Variants in CA10 observed in about 807,000 individuals in gnomAD.
The protein encoded by CA10 is carbonic anhydrase-related protein 10.
In CA10, 14 loss-of-function variants were observed where a neutral mutation model predicts 44.2. The ratio of observed to expected loss-of-function variants is 0.32; its 90% CI spans 0.21 to 0.50. CA10 has a LOEUF of 0.50. Ranked by LOEUF, CA10 falls within the 20% of genes least tolerant of loss-of-function variation. The pLI is 0.99. For missense variants in CA10, 350 were observed against 409.7 expected (o/e 0.85, Z 1.26); for synonymous variants, 159 against 141.6 (o/e 1.12, Z -0.87).
intron 4 of CA10, among the ~76,000 whole-genome samples, chr17:51,656,040 G>T (rs1913779968): frequency 1.3e-5 from 2 of 152,280 alleles, no homozygotes; most frequent in African/African-American, 4.8e-5. Context: ...ACCAGGGACT[G>T]GGGGGTTCTC....
At chr17:51,838,221 T>C (rs1057349425) in intron 3 of CA10, among the ~76,000 whole-genome samples, 1 of 152,206 alleles carries the variant, frequency 6.6e-6, no homozygotes, top group African/African-American at 2.4e-5. Context: ...CAGACTGAAA[T>C]CAAGATTCCT....
chr17:51,844,655 G>T (rs899450856), intron 3 of CA10, among the ~76,000 whole-genome samples: 2 of 152,134 alleles, frequency 1.3e-5, no homozygotes, highest in African/African-American at 2.4e-5. Context: ...GAAAGTCCCA[G>T]CATAACAGGT....
At chr17:51,755,697 G>A (rs1033660747) in intron 3 of CA10, among the ~76,000 whole-genome samples, 1 of 152,172 alleles carries the variant, frequency 6.6e-6, no homozygotes, top group African/African-American at 2.4e-5. Context: ...AAGGGTGGAG[G>A]ACACCTACTA....
chr17:51,880,888 G>T (rs143819364), intron 3 of CA10, among the ~76,000 whole-genome samples: 42 of 152,238 alleles, frequency 2.8e-4, no homozygotes, highest in Non-Finnish European at 5.7e-4. Flanking sequence ...AAATGTAGTT[G>T]TATTTCAAAT....
At chr17:51,807,526 A>C (rs891668790) in intron 3 of CA10, among the ~76,000 whole-genome samples, 1 of 152,166 alleles carries the variant, frequency 6.6e-6, no homozygotes, top group African/African-American at 2.4e-5. Context: ...AGAACACTTA[A>C]ATGCTTATAT....
At chr17:52,080,006 G>C (rs1161679029) in intron 1 of CA10, among the ~76,000 whole-genome samples, 1 of 152,206 alleles carries the variant, frequency 6.6e-6, no homozygotes, top group Non-Finnish European at 1.5e-5. Flanking sequence ...TTTCCAAAGA[G>C]AGAAGATGGG....
At chr17:51,843,842 G>A (rs1978381621) in intron 3 of CA10, among the ~76,000 whole-genome samples, 1 of 152,078 alleles carries the variant, frequency 6.6e-6, no homozygotes, top group African/African-American at 2.4e-5. Context: ...CTCCACAGTT[G>A]CAAAGTTTTA....
chr17:52,118,892 C>T (rs1988954357), intron 1 of CA10, among the ~76,000 whole-genome samples: 2 of 152,046 alleles, frequency 1.3e-5, no homozygotes, highest in African/African-American at 4.8e-5. Context: ...AGCTATAGAA[C>T]TTTGACAGGT....
chr17:51,968,763 C>A (rs1475389429), intron 2 of CA10, among the ~76,000 whole-genome samples: 1 of 151,724 alleles, frequency 6.6e-6, no homozygotes, highest in Non-Finnish European at 1.5e-5. Context: ...ACATTGTAAT[C>A]TAAGATTTTA....
At chr17:51,635,349 C>T (rs894862196) in intron 7 of CA10, among the ~76,000 whole-genome samples, 4 of 152,012 alleles carry the variant, frequency 2.6e-5, no homozygotes, top group Admixed American at 2.0e-4. Flanking sequence ...CCCATCTCTA[C>T]TAAAAGTATA....
At chr17:51,909,080 G>A (rs998744665) in intron 3 of CA10, among the ~76,000 whole-genome samples, 5 of 152,104 alleles carry the variant, frequency 3.3e-5, no homozygotes, top group Admixed American at 6.6e-5. Context: ...ATGCTCCAGC[G>A]CACATGATAT....
chr17:52,104,998 T>C (rs1988626758), intron 1 of CA10, among the ~76,000 whole-genome samples: 1 of 152,166 alleles, frequency 6.6e-6, no homozygotes, highest in African/African-American at 2.4e-5. Context: ...AGCTGCACTT[T>C]AGACTCACCT....
In CA10 at chr17:51,899,521, C is replaced by T. The variant is rs569046667; in HGVS notation, c.279+31469G>A. On this transcript the variant is annotated intron_variant, in intron 3 of 8. Coordinates refer to ENST00000451037, the MANE Select transcript of CA10 (RefSeq NM_020178.5). ...TGTGTAGATGAGAAAAATGTATATA[C>T]TGTTGTTTTTGGGTGGAGTGTTCTG... 1.2e-3 allele frequency among the ~76,000 whole-genome samples: 184 copies of T among 148,030 alleles called. 4 individuals are homozygous for T. In the South Asian group the frequency reaches 0.023, roughly 18 times the overall value.
At chr17:51,721,014 A>G (rs1013476180) in intron 4 of CA10, among the ~76,000 whole-genome samples, 5 of 152,194 alleles carry the variant, frequency 3.3e-5, no homozygotes, top group Non-Finnish European at 5.9e-5. Context: ...TATATACACA[A>G]TTATTATTTG....
intron 2 of CA10, among the ~76,000 whole-genome samples, chr17:51,935,784 T>TA (rs1173444029): frequency 2.0e-5 from 3 of 152,064 alleles, no homozygotes; most frequent in African/African-American, 7.2e-5. Flanking sequence ...ACCCATGAAA[T>TA]AAAAAAGCTC....
chr17:52,097,329 G>A (rs1171571974), intron 1 of CA10, among the ~76,000 whole-genome samples: 2 of 152,068 alleles, frequency 1.3e-5, no homozygotes, highest in African/African-American at 4.8e-5. Context: ...CAGTGAGGCT[G>A]AACAAATTTT....
intron 1 of CA10, among the ~76,000 whole-genome samples, chr17:52,156,837 T>C (rs1251788775): frequency 1.3e-5 from 2 of 152,156 alleles, no homozygotes; most frequent in Non-Finnish European, 2.9e-5. Flanking sequence ...GTGCCTTCAA[T>C]GGGAGGAGCC....
chr17:51,851,861 TA>T (rs1567861472), intron 3 of CA10, among the ~76,000 whole-genome samples: 1 of 152,350 alleles, frequency 6.6e-6, no homozygotes, highest in Admixed American at 6.5e-5. Flanking sequence ...TTGTTTTAGT[TA>T]AAAGGTTTAG....
At chr17:52,156,339 G>A (rs971791701) in intron 1 of CA10, among the ~76,000 whole-genome samples, 1 of 152,148 alleles carries the variant, frequency 6.6e-6, no homozygotes, top group African/African-American at 2.4e-5. Context: ...TGGAATAATA[G>A]AAGTCCCACT....
Sources: gnomAD v4.1 joint callset for allele counts (sites outside exome capture counted in the v4.1 genomes callset) on GRCh38, gnomAD v4.1.1 for gene constraint, MANE v1.5 for transcripts, NCBI Gene and HGNC (gene_info 2026-07-23, HGNC 2026-07-21) for gene names.